HS3ST5: variants seen among roughly 807,000 people sequenced by gnomAD.
HS3ST5 encodes the protein heparan sulfate-glucosamine 3-sulfotransferase 5.
HS3ST5 carries 10 observed loss-of-function variants against 25.4 expected under a neutral mutation model. The observed-to-expected ratio is 0.39, with a 90% CI of 0.24 to 0.67. The LOEUF is 0.67. Ranked by LOEUF, HS3ST5 falls within the 30% of genes least tolerant of loss-of-function variation. The probability of loss-of-function intolerance (pLI) is 0.44; values close to 1 mark genes in which losing one functional copy is unlikely to be tolerated. For missense variants in HS3ST5, 324 were observed against 420.7 expected (o/e 0.77, Z 2.01); for synonymous variants, 170 against 162.4 (o/e 1.05, Z -0.36).
chr6:114,136,379 G>A (rs1419072539), intron 3 of HS3ST5, among the ~76,000 whole-genome samples: 2 of 152,144 alleles, frequency 1.3e-5, no homozygotes, highest in Non-Finnish European at 2.9e-5. Flanking sequence ...TGCCATGTAG[G>A]ATGTGACTTT....
chr6:114,126,932 C>A (rs1364571647), intron 3 of HS3ST5, among the ~76,000 whole-genome samples: 3 of 152,160 alleles, frequency 2.0e-5, no homozygotes, highest in Non-Finnish European at 4.4e-5. Context: ...AACTGTGCGA[C>A]CCTTAAGCAC....
Position 114,057,446 on chromosome 6 carries a change from T to A in HS3ST5, c.852A>T (p.Leu284Phe), listed in dbSNP as rs1772832684. Residue 284 changes from leucine (L) to phenylalanine (F), a missense_variant, in exon 5 of 5, where the codon TTA becomes TTT. Around this residue, in one of 2 missense-constraint regions of HS3ST5, gnomAD observed 203 missense variants for 303.4 expected, o/e 0.67. Transcript: ENST00000312719. ...NLPPRISQYN[L>F]YFNATRGFYC... The stretch of plus-strand genomic sequence containing the variant: ...AAAACCCTCTGGTAGCATTGAAGTA[T>A]AAATTGTATTGACTTATCCTTGGAG... 1.2e-6 allele frequency: 2 copies of A among 1,614,200 alleles called. No individual in the cohort carries two copies. The highest frequency in any genetic ancestry group is 1.7e-6 in the Non-Finnish European group (2 of 1,180,030).
chr6:114,236,754 C>G, intron 1 of HS3ST5, among the ~76,000 whole-genome samples: 1 of 152,188 alleles, frequency 6.6e-6, no homozygotes, highest in East Asian at 1.9e-4. Flanking sequence ...AGGCATGATG[C>G]ATTTAGATAC....
chr6:114,225,904 T>C lies in HS3ST5; in HGVS notation c.-145+2681A>G, dbSNP rs1771249748. Among the ~76,000 whole-genome samples, 4 of 152,014 alleles carry C rather than the reference T, an allele frequency of 2.6e-5. No homozygotes were observed. The South Asian group carries it at 8.3e-4, about 31-fold the overall frequency. ...GAAGTAAAATTACACAGCTTATGCT[T>C]ACAACATAAGGGCCAGGTTTTATCT... On this transcript the variant is annotated intron_variant, in intron 2 of 4. Transcript: ENST00000312719.
intron 1 of HS3ST5, among the ~76,000 whole-genome samples, chr6:114,297,006 A>T (rs1270276888): frequency 6.6e-6 from 1 of 152,156 alleles, no homozygotes; most frequent in Non-Finnish European, 1.5e-5. Flanking sequence ...AAAACAAACA[A>T]GAAAAAATAA....
intron 1 of HS3ST5, among the ~76,000 whole-genome samples, chr6:114,242,275 A>G (rs1200368326): frequency 1.3e-5 from 2 of 152,206 alleles, no homozygotes; most frequent in Non-Finnish European, 2.9e-5. Context: ...TAAGCATATT[A>G]TTAAATTTAA....
At chr6:114,183,336 G>C (rs1005810299) in intron 2 of HS3ST5, among the ~76,000 whole-genome samples, 1 of 152,102 alleles carries the variant, frequency 6.6e-6, no homozygotes, top group Non-Finnish European at 1.5e-5. Context: ...AACCCCTTTT[G>C]CCTGGCTCTC....
chr6:114,310,011 G>C (rs1041566291), intron 1 of HS3ST5, among the ~76,000 whole-genome samples: 1 of 152,158 alleles, frequency 6.6e-6, no homozygotes, highest in Admixed American at 6.5e-5. Flanking sequence ...GTAATGTGCA[G>C]AGAAAAAGAC....
At chr6:114,075,754 G>T (rs1774087318) in intron 3 of HS3ST5, among the ~76,000 whole-genome samples, 1 of 152,148 alleles carries the variant, frequency 6.6e-6, no homozygotes, top group Admixed American at 6.5e-5. Context: ...TTAAGAGACA[G>T]ACACTGTCTT....
chr6:114,247,186 GT>G (rs1381272792), intron 1 of HS3ST5, among the ~76,000 whole-genome samples: 1 of 152,126 alleles, frequency 6.6e-6, no homozygotes, highest in East Asian at 1.9e-4. Context: ...AGCTTACACT[GT>G]TGTTAATCTT....
intron 1 of HS3ST5, among the ~76,000 whole-genome samples, chr6:114,284,080 A>G (rs779979184): frequency 1.3e-5 from 2 of 151,960 alleles, no homozygotes; most frequent in South Asian, 4.1e-4. Flanking sequence ...AACATTAAGG[A>G]AAAAAGGAAA....
At chr6:114,101,699 G>T (rs1296563663) in intron 3 of HS3ST5, among the ~76,000 whole-genome samples, 2 of 152,096 alleles carry the variant, frequency 1.3e-5, no homozygotes, top group East Asian at 3.9e-4. Context: ...CCATTATTGG[G>T]TACATATCCA....
chr6:114,215,420 A>C (rs953061327), intron 2 of HS3ST5, among the ~76,000 whole-genome samples: 1 of 152,180 alleles, frequency 6.6e-6, no homozygotes, highest in African/African-American at 2.4e-5. Context: ...TTCTCCCTAC[A>C]AGTGATTGAT....
At chr6:114,124,692 A>G (rs1280802292) in intron 3 of HS3ST5, among the ~76,000 whole-genome samples, 1 of 151,652 alleles carries the variant, frequency 6.6e-6, no homozygotes, top group Non-Finnish European at 1.5e-5. Context: ...TAACCAGAGG[A>G]AAAAAAATAC....
chr6:114,246,256 A>C (rs2349213), intron 1 of HS3ST5, among the ~76,000 whole-genome samples: 24,606 of 152,242 alleles, frequency 0.16, 2,068 homozygotes, highest in Middle Eastern at 0.28. Flanking sequence ...GACACAGAGC[A>C]ATGTTCCATG....
chr6:114,299,114 A>T (rs1489886625), intron 1 of HS3ST5, among the ~76,000 whole-genome samples: 1 of 152,198 alleles, frequency 6.6e-6, no homozygotes, highest in Non-Finnish European at 1.5e-5. Flanking sequence ...TTTCTCAGCA[A>T]GCAACATCCC....
At chr6:114,091,667 A>G (rs2114795136) in intron 3 of HS3ST5, among the ~76,000 whole-genome samples, 1 of 152,098 alleles carries the variant, frequency 6.6e-6, no homozygotes, top group Middle Eastern at 3.4e-3. Context: ...TGGGTGACAG[A>G]GCGAGACTCC....
intron 1 of HS3ST5, among the ~76,000 whole-genome samples, chr6:114,336,573 C>G (rs74397506): frequency 0.011 from 1,734 of 152,292 alleles, 36 homozygotes; most frequent in African/African-American, 0.039. Flanking sequence ...TGCCGCTGCA[C>G]TGCAGCCTGG....
intron 2 of HS3ST5, among the ~76,000 whole-genome samples, chr6:114,225,608 A>G (rs1048678229): frequency 2.0e-5 from 3 of 151,894 alleles, no homozygotes; most frequent in African/African-American, 7.2e-5. Flanking sequence ...CAAAAATACA[A>G]TGATCAAAAC....
Sources: gnomAD v4.1 joint callset for allele counts (sites outside exome capture counted in the v4.1 genomes callset) on GRCh38, gnomAD v4.1.1 for gene constraint, gnomAD v4.1.1 regional missense constraint, MANE v1.5 for transcripts, NCBI Gene and HGNC (gene_info 2026-07-23, HGNC 2026-07-21) for gene names.